ACTR3C: variants seen among roughly 807,000 people sequenced by gnomAD.
The protein encoded by ACTR3C is actin related protein 3C, also known as actin-related protein 3C.
ACTR3C carries 18 observed loss-of-function variants against 26.3 expected under a neutral mutation model. The ratio of observed to expected loss-of-function variants is 0.68; its 90% CI spans 0.47 to 1.01. The LOEUF (loss-of-function observed/expected upper bound fraction) is 1.01, where lower values mean the gene tolerates loss of function less well. Ranked by LOEUF, ACTR3C falls within the 50% of genes least tolerant of loss-of-function variation. The probability of loss-of-function intolerance (pLI) is 0.00; values close to 1 mark genes in which losing one functional copy is unlikely to be tolerated. For synonymous variants in ACTR3C, 55 were observed against 94.5 expected, an observed-to-expected ratio of 0.58 and a Z score of 2.42; for missense variants, 184 against 250.7, an observed-to-expected ratio of 0.73 and a Z score of 1.80.
chr7:150,289,368 C>A lies in ACTR3C; in HGVS notation c.297+82G>T, dbSNP rs539620044. ...AAGGGGAGAGGATGGAAAGGAGGGGCAGGGATGATGGCACCAAGGGGAAGT... is the reference window on the plus strand; with the variant it reads ...AAGGGGAGAGGATGGAAAGGAGGGGAAGGGATGATGGCACCAAGGGGAAGT... On this transcript the variant is annotated intron_variant, in intron 4 of 7. Transcript: ENST00000683684. The A allele has an allele frequency of 7.5e-6, 11 of 1,464,774 alleles. 1 individual carries two copies. In the African/African-American group the frequency reaches 1.4e-4, roughly 18 times the overall value. The allele number at this position is 1,464,774 out of a possible 1,614,324, so 90.7% of individuals were successfully genotyped here.
At chr7:149,889,634 G>C in the ACTR3C span, among the ~76,000 whole-genome samples, 22,939 of 152,142 alleles carry the variant, frequency 0.15, 2,102 homozygotes, top group East Asian at 0.36. Flanking sequence ...CAAAAGGCTG[G>C]AGAGGATGGG....
chr7:150,149,565 A>G, the ACTR3C span, among the ~76,000 whole-genome samples: 8 of 131,030 alleles, frequency 6.1e-5, no homozygotes, highest in Non-Finnish European at 9.2e-5. Context: ...TCATTGTTCA[A>G]TTCCCACCTA....
At chr7:149,992,647 G>A in the ACTR3C span, among the ~76,000 whole-genome samples, 1 of 152,212 alleles carries the variant, frequency 6.6e-6, no homozygotes, top group Non-Finnish European at 1.5e-5. Context: ...GGCCACATGG[G>A]TTCCGTGAGG....
chr7:150,277,199 T>C (rs1230457069), intron 6 of ACTR3C, among the ~76,000 whole-genome samples: 3 of 152,184 alleles, frequency 2.0e-5, no homozygotes, highest in Non-Finnish European at 2.9e-5. Context: ...AATGTAGAGA[T>C]AGAAATAGTG....
chr7:150,254,000 G>T (rs1226553137), intron 6 of ACTR3C, among the ~76,000 whole-genome samples: 2 of 151,988 alleles, frequency 1.3e-5, no homozygotes, highest in Non-Finnish European at 2.9e-5. Flanking sequence ...GAAAACTTGA[G>T]AATTAATTTC....
chr7:149,899,814 A>C, the ACTR3C span, among the ~76,000 whole-genome samples: 1 of 150,234 alleles, frequency 6.7e-6, no homozygotes, highest in Non-Finnish European at 1.5e-5. Flanking sequence ...TACTGAACAA[A>C]CCCCAAATAA....
At chr7:150,125,480 TG>T in the ACTR3C span, among the ~76,000 whole-genome samples, 1 of 84,822 alleles carries the variant, frequency 1.2e-5, no homozygotes, top group East Asian at 3.6e-4. Flanking sequence ...TGGGGGTGGG[TG>T]GGGGGTCCTG....
chr7:150,029,408 A>AAC, the ACTR3C span, among the ~76,000 whole-genome samples: 3 of 101,420 alleles, frequency 3.0e-5, no homozygotes, highest in Admixed American at 8.6e-5. Context: ...AAAAACAAAA[A>AAC]AAAAAAAAAC....
chr7:150,052,092 A>G, the ACTR3C span, among the ~76,000 whole-genome samples: 1 of 151,806 alleles, frequency 6.6e-6, no homozygotes, highest in African/African-American at 2.4e-5. Context: ...TCTTCCCTAA[A>G]ACAGTGGGCA....
At chr7:150,288,415 TTTC>T (rs869152948) in intron 4 of ACTR3C, among the ~76,000 whole-genome samples, 82 of 133,878 alleles carry the variant, frequency 6.1e-4, no homozygotes, top group African/African-American at 2.4e-3. Flanking sequence ...TTTTTTTTTT[TTTC>T]TTCTTTTTTG....
the ACTR3C span, among the ~76,000 whole-genome samples, chr7:150,184,955 C>A: frequency 6.6e-6 from 1 of 150,592 alleles, no homozygotes; most frequent in South Asian, 2.1e-4. Flanking sequence ...CACCTGCCCA[C>A]CACAATATAC....
the ACTR3C span, among the ~76,000 whole-genome samples, chr7:150,011,875 T>G: frequency 6.6e-6 from 1 of 152,228 alleles, no homozygotes; most frequent in African/African-American, 2.4e-5. Context: ...TAAAAAGAAG[T>G]ATAAAATGCT....
At chr7:149,924,566 G>A in the ACTR3C span, among the ~76,000 whole-genome samples, 17 of 152,248 alleles carry the variant, frequency 1.1e-4, no homozygotes, top group East Asian at 7.7e-4. Context: ...ATAAAAAAGC[G>A]GTTAAGAGTC....
At chr7:150,122,406 C>A in the ACTR3C span, among the ~76,000 whole-genome samples, 13 of 152,172 alleles carry the variant, frequency 8.5e-5, no homozygotes, top group Non-Finnish European at 2.9e-5. Flanking sequence ...AAAAAAACAA[C>A]CCCATCAAAA....
the ACTR3C span, among the ~76,000 whole-genome samples, chr7:150,012,078 G>C: frequency 1.3e-5 from 2 of 152,254 alleles, no homozygotes; most frequent in East Asian, 3.9e-4. Flanking sequence ...AAAAGAAGTT[G>C]AGAATTGGAT....
At chr7:150,013,219 G>A in the ACTR3C span, among the ~76,000 whole-genome samples, 1 of 143,330 alleles carries the variant, frequency 7.0e-6, no homozygotes, top group Non-Finnish European at 1.5e-5. Context: ...CTCTCCTCCA[G>A]TATGTTTTCT....
chr7:150,236,266 TATG>T, the ACTR3C span, among the ~76,000 whole-genome samples: 1 of 152,248 alleles, frequency 6.6e-6, no homozygotes, highest in East Asian at 1.9e-4. Flanking sequence ...AAGGTTTTCC[TATG>T]ATGAACACCT....
At chr7:150,211,697 C>A in the ACTR3C span, among the ~76,000 whole-genome samples, 1 of 150,818 alleles carries the variant, frequency 6.6e-6, no homozygotes, top group Non-Finnish European at 1.5e-5. Flanking sequence ...GAGGTGCCCA[C>A]CCACCTGACA....
the ACTR3C span, among the ~76,000 whole-genome samples, chr7:149,976,015 T>C: frequency 2.0e-5 from 3 of 152,228 alleles, no homozygotes; most frequent in Admixed American, 1.3e-4. Context: ...TTGAAAACCC[T>C]TTCGTTGGAC....
Sources: allele counts gnomAD v4.1 joint callset (sites outside exome capture counted in the v4.1 genomes callset), GRCh38; gene constraint gnomAD v4.1.1; transcripts MANE v1.5; gene names NCBI Gene and HGNC (gene_info 2026-07-23, HGNC 2026-07-21).